The following KIAA1328 variants were observed in gnomAD, a reference collection of about 807,000 sequenced individuals.
The protein encoded by KIAA1328 is protein hinderin.
A neutral mutation model predicts 68.1 loss-of-function variants in KIAA1328; 52 were observed. The ratio of observed to expected loss-of-function variants is 0.76; its 90% confidence interval spans 0.61 to 0.96. KIAA1328 has a LOEUF of 0.96. Ranked by LOEUF, KIAA1328 falls within the 40% of genes least tolerant of loss-of-function variation. The pLI is 0.00. For missense variants in KIAA1328, 641 were observed against 677.6 expected, an observed-to-expected ratio of 0.95 and a Z score of 0.60; for synonymous variants, 232 against 239.4, an observed-to-expected ratio of 0.97 and a Z score of 0.28.
intron 8 of KIAA1328, among the ~76,000 whole-genome samples, chr18:37,170,920 C>T (rs7228801): frequency 0.023 from 3,494 of 151,988 alleles, 132 homozygotes; most frequent in African/African-American, 0.08. Context: ...AGACTAAGGC[C>T]GGGAGCAGTT....
At chr18:37,053,538 A>C (rs2055786970) in intron 6 of KIAA1328, among the ~76,000 whole-genome samples, 1 of 152,204 alleles carries the variant, frequency 6.6e-6, no homozygotes, top group Admixed American at 6.5e-5. Flanking sequence ...CTATCAACAG[A>C]GTAAAAAGAC....
chr18:37,097,108 G>A (rs1019739985), intron 7 of KIAA1328, among the ~76,000 whole-genome samples: 2 of 152,148 alleles, frequency 1.3e-5, no homozygotes, highest in Non-Finnish European at 2.9e-5. Context: ...TTTGGCTTTT[G>A]TTGCCATTGC....
At chr18:36,984,224 T>C (rs1421129482) in intron 6 of KIAA1328, among the ~76,000 whole-genome samples, 1 of 152,190 alleles carries the variant, frequency 6.6e-6, no homozygotes, top group Non-Finnish European at 1.5e-5. Context: ...CCTTACCACA[T>C]CTATTCAACA....
rs140425963 is a variant in KIAA1328, at chr18:37,123,396, C to T, written c.1233-36804C>T. 1.8e-3 allele frequency among the ~76,000 whole-genome samples: 272 copies of T among 152,076 alleles called. 1 individual carries two copies. Among genetic ancestry groups the T allele is most frequent in the African/African-American group, 6.1e-3 (254 of 41,510 alleles). ...TTTAAAAAGTGAAAAAAAAGAGAAG[C>T]TTGATTTTCTGACCTGCAACTCAAA... On this transcript the variant is annotated intron_variant, in intron 7 of 9. Coordinates refer to ENST00000280020, the MANE Select transcript of KIAA1328 (RefSeq NM_020776.3).
At chr18:37,108,499 G>A (rs2057837091) in intron 7 of KIAA1328, among the ~76,000 whole-genome samples, 1 of 152,044 alleles carries the variant, frequency 6.6e-6, no homozygotes, top group Admixed American at 6.5e-5. Flanking sequence ...TGTACCTTCT[G>A]TATCTAAAAT....
intron 6 of KIAA1328, among the ~76,000 whole-genome samples, chr18:36,997,597 C>T (rs1273840392): frequency 6.6e-6 from 1 of 152,170 alleles, no homozygotes; most frequent in Non-Finnish European, 1.5e-5. Flanking sequence ...ACCAGAGTGG[C>T]TACAGCAAGG....
intron 5 of KIAA1328, among the ~76,000 whole-genome samples, chr18:36,952,453 C>G (rs1004661357): frequency 6.6e-6 from 1 of 152,202 alleles, no homozygotes; most frequent in African/African-American, 2.4e-5. Context: ...GTGCCCTGCA[C>G]TATGCTAAGT....
chr18:37,133,130 C>T (rs1054784750), intron 7 of KIAA1328, among the ~76,000 whole-genome samples: 8 of 151,872 alleles, frequency 5.3e-5, no homozygotes, highest in Non-Finnish European at 8.8e-5. Context: ...GTCAGGAGTT[C>T]GAAACCAGCC....
chr18:36,920,377 C>G (rs2151104624), intron 5 of KIAA1328, among the ~76,000 whole-genome samples: 1 of 152,192 alleles, frequency 6.6e-6, no homozygotes, highest in East Asian at 1.9e-4. Context: ...AGCTTTATTT[C>G]TGTGTTCTCT....
intron 6 of KIAA1328, among the ~76,000 whole-genome samples, chr18:36,976,422 A>T (rs1366049783): frequency 6.6e-6 from 1 of 152,172 alleles, no homozygotes; most frequent in African/African-American, 2.4e-5. Context: ...AACGTAATAT[A>T]AATTTCAGTA....
At chr18:36,978,435 C>T (rs540578818) in intron 6 of KIAA1328, among the ~76,000 whole-genome samples, 39 of 152,308 alleles carry the variant, frequency 2.6e-4, no homozygotes, top group Admixed American at 7.2e-4. Flanking sequence ...GTTCAGAAAT[C>T]GGTTTGCATA....
At chr18:36,874,227 A>G (rs927129180) in intron 4 of KIAA1328, among the ~76,000 whole-genome samples, 3 of 152,144 alleles carry the variant, frequency 2.0e-5, no homozygotes, top group Non-Finnish European at 2.9e-5. Flanking sequence ...TGGGTCAGAT[A>G]GTATTTCTGG....
chr18:37,152,617 T>C (rs759806418), intron 7 of KIAA1328, among the ~76,000 whole-genome samples: 1 of 152,128 alleles, frequency 6.6e-6, no homozygotes, highest in Non-Finnish European at 1.5e-5. Flanking sequence ...AGAGTGTCCA[T>C]ACAGTGGCGC....
At chr18:36,989,045 T>C (rs941007582) in intron 6 of KIAA1328, among the ~76,000 whole-genome samples, 6 of 152,236 alleles carry the variant, frequency 3.9e-5, no homozygotes, top group Non-Finnish European at 7.3e-5. Flanking sequence ...TTTACCTAGA[T>C]TGTGAAGTAG....
At chr18:36,995,877 CAAAGT>C (rs1051704792) in intron 6 of KIAA1328, among the ~76,000 whole-genome samples, 2 of 152,150 alleles carry the variant, frequency 1.3e-5, no homozygotes, top group African/African-American at 4.8e-5. Flanking sequence ...TGTTAGAACT[CAAAGT>C]AAAGTGTACA....
chr18:36,944,235 A>C (rs930430799), intron 5 of KIAA1328, among the ~76,000 whole-genome samples: 1 of 152,156 alleles, frequency 6.6e-6, no homozygotes, highest in Non-Finnish European at 1.5e-5. Flanking sequence ...AAGAAGTAGA[A>C]ATTTGGGGAT....
intron 7 of KIAA1328, among the ~76,000 whole-genome samples, chr18:37,124,339 C>A (rs900433296): frequency 6.6e-6 from 1 of 152,024 alleles, no homozygotes; most frequent in Admixed American, 6.6e-5. Flanking sequence ...TCACCTCTTA[C>A]CATACAGTTT....
intron 6 of KIAA1328, among the ~76,000 whole-genome samples, chr18:37,005,161 C>G (rs569271564): frequency 1.3e-5 from 2 of 151,874 alleles, no homozygotes; most frequent in Non-Finnish European, 2.9e-5. Flanking sequence ...ATGAGTGGAC[C>G]AAAATCTCAC....
intron 6 of KIAA1328, among the ~76,000 whole-genome samples, chr18:36,996,870 A>G (rs1228021351): frequency 6.6e-6 from 1 of 152,222 alleles, no homozygotes; most frequent in Non-Finnish European, 1.5e-5. Flanking sequence ...GCAAGTTTTT[A>G]GGAGAAAATT....
Sources: allele counts gnomAD v4.1 joint callset (sites outside exome capture counted in the v4.1 genomes callset), GRCh38; gene constraint gnomAD v4.1.1; transcripts MANE v1.5; gene names NCBI Gene and HGNC (gene_info 2026-07-23, HGNC 2026-07-21).